PPP1R12A: variants seen among roughly 807,000 people sequenced by gnomAD.
PPP1R12A encodes protein phosphatase 1 regulatory subunit 12A.
PPP1R12A carries 19 observed loss-of-function variants against 139.6 expected under a neutral mutation model. The ratio of observed to expected loss-of-function variants is 0.14; its 90% CI spans 0.09 to 0.20. The LOEUF (loss-of-function observed/expected upper bound fraction) is 0.20, where lower values mean the gene tolerates loss of function less well. PPP1R12A is among the 10% of genes least tolerant of loss of function. PPP1R12A has a pLI of 1.00. For missense variants in PPP1R12A, 925 were observed against 1,211.5 expected, an observed-to-expected ratio of 0.76 and a Z score of 3.51; for synonymous variants, 427 against 420.6, an observed-to-expected ratio of 1.02 and a Z score of -0.19.
At chr12:79,904,277 G>A (rs1592803643) in intron 1 of PPP1R12A, among the ~76,000 whole-genome samples, 1 of 151,396 alleles carries the variant, frequency 6.6e-6, no homozygotes, top group African/African-American at 2.4e-5. Flanking sequence ...ATAAAATGAT[G>A]GCACTTATAT....
chr12:79,891,651 T>C (rs1416733341), intron 1 of PPP1R12A, among the ~76,000 whole-genome samples: 3 of 152,200 alleles, frequency 2.0e-5, no homozygotes, highest in African/African-American at 7.2e-5. Context: ...GGGTGACTTG[T>C]TTCTTACAAA....
chr12:79,831,424 A>G (rs891900616), intron 4 of PPP1R12A, among the ~76,000 whole-genome samples: 18 of 152,132 alleles, frequency 1.2e-4, no homozygotes, highest in Admixed American at 6.6e-5. Context: ...CTCTACAAAA[A>G]ATATGAAAAT....
Position 79,796,910 on chromosome 12 carries a change from G to T in PPP1R12A, c.2333C>A (p.Thr778Asn). ...AGTAGAAAGTGAAGAGGATGGAGTG[G>T]TTGAACTTGAAGTTGATACTGGCCT... ...RYRPVSTSSS[T>N]TPSSSLSTMS... Residue 778 changes from threonine (T) to asparagine (N), a missense_variant, in exon 17 of 25, where the codon ACC becomes AAC. By Grantham distance (65) the Thr-to-Asn change is moderately conservative. Coordinates refer to ENST00000450142, the MANE Select transcript of PPP1R12A (RefSeq NM_002480.3). The T allele has an allele frequency of 6.2e-7, 1 of 1,612,650 alleles. No homozygotes were observed. Among genetic ancestry groups the T allele is most frequent in the South Asian group, 1.1e-5 (1 of 90,850 alleles).
chr12:79,814,351 C>G (rs983234244), intron 9 of PPP1R12A, among the ~76,000 whole-genome samples: 2 of 151,342 alleles, frequency 1.3e-5, no homozygotes, highest in Non-Finnish European at 2.9e-5. Context: ...GTGGTGGATG[C>G]CTGTAGTCCC....
intron 3 of PPP1R12A, among the ~76,000 whole-genome samples, chr12:79,836,396 T>G (rs1057227375): frequency 1.3e-5 from 2 of 152,158 alleles, no homozygotes; most frequent in African/African-American, 4.8e-5. Context: ...ATCTTAAACG[T>G]TCTGATTTTT....
chr12:79,852,637 G>C (rs1324419003), intron 2 of PPP1R12A, among the ~76,000 whole-genome samples: 1 of 152,070 alleles, frequency 6.6e-6, no homozygotes, highest in Non-Finnish European at 1.5e-5. Flanking sequence ...CGGCAAGTTG[G>C]GGGTAGATGT....
intron 3 of PPP1R12A, among the ~76,000 whole-genome samples, chr12:79,840,254 A>C (rs1279458715): frequency 2.0e-5 from 3 of 152,218 alleles, no homozygotes; most frequent in African/African-American, 7.2e-5. Context: ...AAATGAAGAA[A>C]TGCATGTGAA....
chr12:79,821,693 C>CAGT (rs1289796966), intron 6 of PPP1R12A, among the ~76,000 whole-genome samples: 1 of 150,170 alleles, frequency 6.7e-6, no homozygotes, highest in Non-Finnish European at 1.5e-5. Flanking sequence ...GTGGAGGCTG[C>CAGT]AGTGAGTTGA....
At chr12:79,925,264 G>C (rs748876650) in intron 1 of PPP1R12A, among the ~76,000 whole-genome samples, 1 of 150,244 alleles carries the variant, frequency 6.7e-6, no homozygotes, top group Non-Finnish European at 1.5e-5. Context: ...ACGTGTACGT[G>C]TGTGTGTGTG....
chr12:79,814,321 C>CA, intron 9 of PPP1R12A, among the ~76,000 whole-genome samples: 1 of 150,568 alleles, frequency 6.6e-6, no homozygotes, highest in East Asian at 2.0e-4. Flanking sequence ...ACTAAAAATA[C>CA]AAAAAATTAG....
At chr12:79,862,907 CAGG>C (rs961217211) in intron 2 of PPP1R12A, among the ~76,000 whole-genome samples, 5 of 152,164 alleles carry the variant, frequency 3.3e-5, no homozygotes, top group African/African-American at 1.2e-4. Flanking sequence ...GGATATTATC[CAGG>C]AGAACTTCCC....
intron 1 of PPP1R12A, among the ~76,000 whole-genome samples, chr12:79,925,733 G>C (rs1405876031): frequency 6.6e-6 from 1 of 152,148 alleles, no homozygotes; most frequent in African/African-American, 2.4e-5. Context: ...CAGAACTCAA[G>C]CGTGTCTTTT....
rs150766864 is a variant in PPP1R12A at position 79,820,966 on chromosome 12, A to C, written c.957-35T>G. ...GAAAACAGTGTTCAAATGATTAGAA[A>C]TACAAAAGGTTAAAATATATTCATT... On this transcript the variant is annotated intron_variant, in intron 7 of 24. Coordinates refer to ENST00000450142, the MANE Select transcript of PPP1R12A (RefSeq NM_002480.3). The C allele has an allele frequency of 5.4e-4, 873 of 1,609,130 alleles. 6 individuals are homozygous for C. The East Asian group carries it at 0.014, about 26-fold the overall frequency.
At chr12:79,840,780 T>C (rs1487794046) in intron 3 of PPP1R12A, among the ~76,000 whole-genome samples, 3 of 152,216 alleles carry the variant, frequency 2.0e-5, no homozygotes, top group Admixed American at 6.5e-5. Context: ...CGTGTCACCA[T>C]ATATCCTACA....
At chr12:79,842,889 C>T (rs1433120127) in intron 3 of PPP1R12A, among the ~76,000 whole-genome samples, 1 of 151,284 alleles carries the variant, frequency 6.6e-6, no homozygotes. Context: ...TGTTGTGTAA[C>T]ATATCTACAC....
At chr12:79,822,895 T>C (rs572195367) in intron 5 of PPP1R12A, among the ~76,000 whole-genome samples, 3 of 152,166 alleles carry the variant, frequency 2.0e-5, no homozygotes, top group African/African-American at 7.2e-5. Flanking sequence ...CTGTTTTCAT[T>C]TTCTTCAACA....
intron 1 of PPP1R12A, among the ~76,000 whole-genome samples, chr12:79,881,537 C>T (rs1371568780): frequency 6.6e-6 from 1 of 152,166 alleles, no homozygotes; most frequent in Non-Finnish European, 1.5e-5. Flanking sequence ...AAGTCTGAAG[C>T]TAACAGGAAG....
In PPP1R12A at chr12:79,775,790, T is replaced by C. The variant is rs1042654594; in HGVS notation, c.*139A>G. On this transcript the variant is annotated 3_prime_UTR_variant, in exon 25 of 25. Transcript: ENST00000450142. ...AAAATTAAACAAAATGAAACAAAAA[T>C]TCTAGATAAGAGGGCATTTGGCAGG... is the stretch of plus-strand genomic sequence containing the variant. 2.1e-6 allele frequency: 1 copy of C among 470,750 alleles called. No homozygotes were observed. Among genetic ancestry groups the C allele is most frequent in the Non-Finnish European group, 3.6e-6 (1 of 280,478 alleles). The allele number at this position is 470,750 out of a possible 1,614,324, so 29.2% of individuals were successfully genotyped here.
At chr12:79,805,922 C>T in intron 13 of PPP1R12A, 154 bp from the exon 14 acceptor site, 1 of 955,826 alleles carries the variant, frequency 1.0e-6, no homozygotes, top group Non-Finnish European at 1.5e-6. Flanking sequence ...AAAAGCTCAC[C>T]CAGAGTTGTC....
Sources: allele counts gnomAD v4.1 joint callset (sites outside exome capture counted in the v4.1 genomes callset), GRCh38; gene constraint gnomAD v4.1.1; transcripts MANE v1.5; gene names NCBI Gene and HGNC (gene_info 2026-07-23, HGNC 2026-07-21).